Variants in ADGRF3 observed in about 807,000 individuals in gnomAD.
ADGRF3 encodes the protein adhesion G protein-coupled receptor F3, also known as G protein-coupled receptor 113.
In ADGRF3, 85 loss-of-function variants were observed where a neutral mutation model predicts 93.2. The ratio of observed to expected loss-of-function variants is 0.91; its 90% confidence interval spans 0.77 to 1.09. ADGRF3 has a LOEUF of 1.09. ADGRF3 is among the 50% of genes least tolerant of loss of function. The pLI is 0.00. For missense variants in ADGRF3, 1,125 were observed against 1,246.2 expected (o/e 0.90, Z 1.46); for synonymous variants, 534 against 532.5 (o/e 1.00, Z -0.04).
chr2:26,311,872 A>T lies in ADGRF3; in HGVS notation c.1652T>A (p.Phe551Tyr). 4 of 1,613,922 alleles carry T rather than the reference A, an allele frequency of 2.5e-6. No homozygotes were observed. The highest frequency in any genetic ancestry group is 3.4e-6 in the Non-Finnish European group (4 of 1,179,862). ...LLQSQLFGPT[F>Y]PADYSISFPT... ...GAAGGAGATGCTGTAGTCAGCAGGA[A>T]ACGTGGGTCCAAACAGCTGGCTCTG... The change falls in exon 10 of 14, where the codon TTT (phenylalanine) becomes TAT (tyrosine). Residue 551 changes from phenylalanine to tyrosine, a missense_variant. Phe to Tyr is a conservative substitution (Grantham distance 22). Coordinates refer to ENST00000651242, the MANE Select transcript of ADGRF3 (RefSeq NM_001321971.2).
chr2:26,346,065 G>A, intron 1 of ADGRF3, 56 bp downstream of exon 1: 3 of 1,507,196 alleles, frequency 2.0e-6, no homozygotes, highest in Middle Eastern at 1.7e-4. Context: ...CTGAGAGGCG[G>A]CCGAAGGGGC....
intron 1 of ADGRF3, among the ~76,000 whole-genome samples, chr2:26,320,926 G>A (rs1387643629): frequency 6.6e-6 from 1 of 152,120 alleles, no homozygotes; most frequent in Non-Finnish European, 1.5e-5. Context: ...TAAGATGCTT[G>A]TACTTTTATA....
intron 4 of ADGRF3, 53 bp from the exon 5 acceptor site, chr2:26,315,793 G>C: frequency 6.5e-7 from 1 of 1,547,356 alleles, no homozygotes; most frequent in Non-Finnish European, 8.7e-7. Context: ...ATGGCCCTCA[G>C]ATGCAGCCGA....
At chr2:26,325,334 C>T (rs777916824) in intron 1 of ADGRF3, among the ~76,000 whole-genome samples, 1 of 152,120 alleles carries the variant, frequency 6.6e-6, no homozygotes, top group Non-Finnish European at 1.5e-5. Flanking sequence ...TAACAAAAAG[C>T]TGGACACATT....
At chr2:26,314,151 A>G (rs1452050363) in intron 6 of ADGRF3, among the ~76,000 whole-genome samples, 1 of 152,216 alleles carries the variant, frequency 6.6e-6, no homozygotes, top group Non-Finnish European at 1.5e-5. Flanking sequence ...TAAAATGGAG[A>G]CTACCATCAA....
intron 2 of ADGRF3, 118 bp downstream of exon 2, chr2:26,317,378 C>G: frequency 1.0e-6 from 1 of 971,806 alleles, no homozygotes; most frequent in Non-Finnish European, 1.6e-6. Context: ...AGCCAGTCCT[C>G]TCTCTCCGCC....
intron 1 of ADGRF3, among the ~76,000 whole-genome samples, chr2:26,329,804 T>C (rs1288063524): frequency 6.6e-6 from 1 of 152,248 alleles, no homozygotes; most frequent in Non-Finnish European, 1.5e-5. Flanking sequence ...TGAGGCTTTT[T>C]GCCTTTTCTT....
Position 26,316,428 on chromosome 2 carries a change from C to G in ADGRF3, c.346G>C (p.Gly116Arg). The change falls in exon 4 of 14, where the codon GGG (glycine) becomes CGG (arginine). Residue 116 changes from glycine (G) to arginine (R), a missense_variant. Transcript: ENST00000651242. ...GAGAGGCAAGCACAATAGAAATTCC[C>G]CTTGTGGTTGACATTACACTCTGAC... Reference protein sequence around the residue: ...LTTECNVNHKGNFYCACLSGY... With the variant: ...LTTECNVNHKRNFYCACLSGY... The G allele has an allele frequency of 6.4e-7, 1 of 1,551,648 alleles. No individual in the cohort carries two copies. Among genetic ancestry groups the G allele is most frequent in the Non-Finnish European group, 8.7e-7 (1 of 1,146,962 alleles).
At position 26,311,925 on chromosome 2, in the gene ADGRF3, G is replaced by A. The variant is rs933057001; in HGVS notation, c.1599C>T (p.Phe533=). ...ACSLCPQDHP[F]AFSLPNVLLQ... Reference sequence around the variant, plus strand: ...GCAGCACATTGGGTAAGCTGAAGGCGAAGGGGTGGTCCTGTGGGCACAGGC... The same window carrying A: ...GCAGCACATTGGGTAAGCTGAAGGCAAAGGGGTGGTCCTGTGGGCACAGGC... Residue 533 remains phenylalanine (F), a synonymous_variant, in exon 10 of 14, where the codon TTC becomes TTT. Transcript: ENST00000651242. 3.1e-6 allele frequency: 5 copies of A among 1,613,786 alleles called. No homozygotes were observed. The highest frequency in any genetic ancestry group is 1.1e-5 in the South Asian group (1 of 91,088).
At chr2:26,326,805 C>A (rs1675458969) in intron 1 of ADGRF3, among the ~76,000 whole-genome samples, 1 of 152,162 alleles carries the variant, frequency 6.6e-6, no homozygotes, top group Admixed American at 6.5e-5. Flanking sequence ...TGGAGTCTCT[C>A]TCTGTCACCC....
chr2:26,318,189 A>G (rs1236058311), intron 1 of ADGRF3: 1 of 1,019,822 alleles, frequency 9.8e-7, no homozygotes, highest in African/African-American at 1.6e-5. Context: ...CCTCCAGGAA[A>G]TATGGAGGGG....
chr2:26,331,068 G>A (rs187261482), intron 1 of ADGRF3, among the ~76,000 whole-genome samples: 3 of 151,880 alleles, frequency 2.0e-5, no homozygotes, highest in Non-Finnish European at 1.5e-5. Context: ...CTTCTTTGTC[G>A]GCTACTTAGA....
chr2:26,311,140 G>A lies in ADGRF3; in HGVS notation c.2384C>T (p.Ala795Val), dbSNP rs141987471. 7.5e-4 allele frequency: 1,196 copies of A among 1,594,452 alleles called. 6 individuals carry two copies. The African/African-American group carries it at 0.012, about 16-fold the overall frequency. Reference protein sequence around the residue: ...LATFFWMLAQALVLAHQLLFV... With the variant: ...LATFFWMLAQVLVLAHQLLFV... ...GAGCAGCTGGTGGGCCAACACCAGG[G>A]CCTGCGCCAGCATCCAGAAAAAGGT... Residue 795 changes from alanine (A) to valine (V), a missense_variant, in exon 10 of 14, where the codon GCC becomes GTC. Transcript: ENST00000651242.
chr2:26,314,076 T>C (rs1256705742), intron 6 of ADGRF3, among the ~76,000 whole-genome samples, 173 bp from the exon 7 acceptor site: 1 of 152,238 alleles, frequency 6.6e-6, no homozygotes, highest in Non-Finnish European at 1.5e-5. Context: ...GCTTGGATTT[T>C]GCTGGAGGGG....
At chr2:26,333,805 A>C (rs1675892537) in intron 1 of ADGRF3, among the ~76,000 whole-genome samples, 1 of 152,094 alleles carries the variant, frequency 6.6e-6, no homozygotes, top group African/African-American at 2.4e-5. Context: ...CAAGAACAGG[A>C]TTTCATAAAA....
intron 12 of ADGRF3, 141 bp from the exon 13 acceptor site, chr2:26,309,722 C>T: frequency 8.0e-7 from 1 of 1,250,608 alleles, no homozygotes; most frequent in Non-Finnish European, 1.1e-6. Context: ...CTCTCAGCTA[C>T]AGTAACTCCC....
At chr2:26,325,260 G>C (rs977757833) in intron 1 of ADGRF3, among the ~76,000 whole-genome samples, 3 of 152,140 alleles carry the variant, frequency 2.0e-5, no homozygotes, top group Non-Finnish European at 4.4e-5. Flanking sequence ...GAAAGAGTCT[G>C]TTCAAAATTG....
intron 12 of ADGRF3, 64 bp downstream of exon 12, chr2:26,309,979 G>T: frequency 6.2e-7 from 1 of 1,614,026 alleles, no homozygotes; most frequent in Non-Finnish European, 8.5e-7. Context: ...TCTGAGGAGG[G>T]CCATGGAATG....
intron 1 of ADGRF3, among the ~76,000 whole-genome samples, chr2:26,343,572 TG>T (rs1676515766): frequency 6.6e-6 from 1 of 152,140 alleles, no homozygotes; most frequent in Non-Finnish European, 1.5e-5. Flanking sequence ...TCCGAGTAGC[TG>T]GGACTACAGG....
Sources: gnomAD v4.1 joint callset for allele counts (sites outside exome capture counted in the v4.1 genomes callset) on GRCh38, gnomAD v4.1.1 for gene constraint, MANE v1.5 for transcripts, NCBI Gene and HGNC (gene_info 2026-07-23, HGNC 2026-07-21) for gene names.